Variants in GRID1 observed in about 807,000 individuals in gnomAD.
GRID1 encodes the protein glutamate ionotropic receptor delta type subunit 1, also known as glutamate receptor ionotropic, delta-1.
Under a neutral mutation model 98.0 loss-of-function variants are expected in GRID1, and 28 were observed. That is an observed-to-expected ratio of 0.29 (90% CI 0.21 to 0.39). The LOEUF is 0.39. Ranked by LOEUF, GRID1 falls within the 10% of genes least tolerant of loss-of-function variation. GRID1 has a pLI of 1.00. For missense variants in GRID1, 1,111 were observed against 1,340.5 expected (o/e 0.83, Z 2.67); for synonymous variants, 553 against 538.5 (o/e 1.03, Z -0.37).
At chr10:86,123,199 A>G (rs1456319566) in intron 4 of GRID1, among the ~76,000 whole-genome samples, 2 of 152,186 alleles carry the variant, frequency 1.3e-5, no homozygotes, top group African/African-American at 4.8e-5. Flanking sequence ...CAGGAGGAGA[A>G]GGGGGACCTA....
chr10:85,808,373 A>C (rs1185274850), intron 8 of GRID1, among the ~76,000 whole-genome samples: 2 of 152,202 alleles, frequency 1.3e-5, no homozygotes, highest in Non-Finnish European at 2.9e-5. Flanking sequence ...AACAATTTGA[A>C]ATTAAAAAGA....
intron 4 of GRID1, among the ~76,000 whole-genome samples, chr10:86,001,906 A>T (rs1842806518): frequency 6.6e-6 from 1 of 152,096 alleles, no homozygotes; most frequent in African/African-American, 2.4e-5. Context: ...CTAGGGAAGG[A>T]TCCTTCCTTG....
chr10:85,726,091 A>G (rs3011696), intron 10 of GRID1, among the ~76,000 whole-genome samples: 74,781 of 152,116 alleles, frequency 0.49, 18,832 homozygotes, highest in Middle Eastern at 0.61. Flanking sequence ...GTCCTGTGAC[A>G]GTGGGACAGA....
chr10:85,962,771 AC>A (rs1277021521), intron 4 of GRID1, among the ~76,000 whole-genome samples: 1 of 151,982 alleles, frequency 6.6e-6, no homozygotes, highest in Non-Finnish European at 1.5e-5. Context: ...AATTTATGAA[AC>A]CACTCAGTAC....
intron 13 of GRID1, among the ~76,000 whole-genome samples, chr10:85,633,666 TCTAA>T: frequency 6.6e-6 from 1 of 152,344 alleles, no homozygotes; most frequent in South Asian, 2.1e-4. Context: ...AGCCTCATCC[TCTAA>T]CTCCATTTGT....
intron 8 of GRID1, among the ~76,000 whole-genome samples, chr10:85,743,656 T>C (rs1841971602): frequency 6.6e-6 from 1 of 152,156 alleles, no homozygotes; most frequent in Admixed American, 6.5e-5. Context: ...CTTTTGTTAT[T>C]AGGTTGATGA....
chr10:86,104,104 C>A (rs1020938321), intron 4 of GRID1, among the ~76,000 whole-genome samples: 1 of 152,294 alleles, frequency 6.6e-6, no homozygotes, highest in South Asian at 2.1e-4. Flanking sequence ...CCTTATCCCA[C>A]GGGGTAGGCA....
intron 4 of GRID1, among the ~76,000 whole-genome samples, chr10:85,926,790 G>A (rs912166897): frequency 2.0e-5 from 3 of 152,200 alleles, no homozygotes; most frequent in Non-Finnish European, 2.9e-5. Context: ...AGGGACTGTG[G>A]TGGAGCCACA....
intron 4 of GRID1, among the ~76,000 whole-genome samples, chr10:85,936,391 G>A (rs1218969924): frequency 6.6e-6 from 1 of 152,196 alleles, no homozygotes. Flanking sequence ...GCTGATATAA[G>A]AGGCAGCCAC....
At chr10:85,603,795 G>T (rs868169188) in intron 15 of GRID1, among the ~76,000 whole-genome samples, 1 of 152,146 alleles carries the variant, frequency 6.6e-6, no homozygotes, top group Admixed American at 6.5e-5. Flanking sequence ...AACTCCTAGA[G>T]AAATACAGTC....
chr10:86,336,744 C>G (rs1026049467), intron 2 of GRID1, among the ~76,000 whole-genome samples: 91 of 152,196 alleles, frequency 6.0e-4, no homozygotes, highest in Admixed American at 2.9e-3. Flanking sequence ...GGGAACATGG[C>G]TATAAATTGT....
intron 12 of GRID1, among the ~76,000 whole-genome samples, chr10:85,695,569 C>A (rs1442189118): frequency 6.6e-6 from 1 of 152,010 alleles, no homozygotes; most frequent in Non-Finnish European, 1.5e-5. Context: ...GCATTTCACA[C>A]AATTCTAATG....
At chr10:86,075,408 G>C (rs367932183) in intron 4 of GRID1, among the ~76,000 whole-genome samples, 9,173 of 150,582 alleles carry the variant, frequency 0.061, 337 homozygotes, top group South Asian at 0.16. Context: ...CACAAGCCAA[G>C]GAAGGCCAAA....
At chr10:85,933,284 TTAAAAAA>T (rs1243647718) in intron 4 of GRID1, among the ~76,000 whole-genome samples, 4 of 74,068 alleles carry the variant, frequency 5.4e-5, no homozygotes, top group East Asian at 7.4e-4. Context: ...TCTCTGTTCT[TTAAAAAA>T]AAAAAAAAAA....
At chr10:85,915,708 TACAC>T (rs201777814) in intron 5 of GRID1, among the ~76,000 whole-genome samples, 9 of 151,426 alleles carry the variant, frequency 5.9e-5, no homozygotes, top group African/African-American at 1.9e-4. Context: ...AACACAGACA[TACAC>T]ACACACACCT....
chr10:86,310,361 T>C (rs1847816088), intron 2 of GRID1, among the ~76,000 whole-genome samples: 1 of 152,108 alleles, frequency 6.6e-6, no homozygotes, highest in Non-Finnish European at 1.5e-5. Context: ...ATTCTTTATA[T>C]ACTTGGCCAT....
At chr10:85,911,213 G>A (rs942501763) in intron 5 of GRID1, among the ~76,000 whole-genome samples, 4 of 152,138 alleles carry the variant, frequency 2.6e-5, no homozygotes, top group African/African-American at 9.7e-5. Context: ...TGTGTCTGAG[G>A]AGCCAACCAG....
intron 8 of GRID1, among the ~76,000 whole-genome samples, chr10:85,756,321 CTT>C (rs1254578944): frequency 6.6e-6 from 1 of 152,158 alleles, no homozygotes; most frequent in Non-Finnish European, 1.5e-5. Flanking sequence ...CAGCATACAA[CTT>C]TTTTCTTTCC....
rs553518250 is a variant in GRID1, at chr10:85,958,478, TG to T, written c.727-42240del. On this transcript the variant is annotated intron_variant, in intron 4 of 15. Coordinates refer to ENST00000327946, the MANE Select transcript of GRID1 (RefSeq NM_017551.3). ...CTGAGTGTGTCTGTGAGGGTGTTTC[TG>T]GGTGAGATTAGCATTTGACTGGGCC... Among the ~76,000 whole-genome samples the T allele has an allele frequency of 4.6e-4, 70 of 152,058 alleles. 2 individuals are homozygous for T. The South Asian group carries it at 0.015, about 32-fold the overall frequency.
Sources: allele counts gnomAD v4.1 joint callset (sites outside exome capture counted in the v4.1 genomes callset), GRCh38; gene constraint gnomAD v4.1.1; transcripts MANE v1.5; gene names NCBI Gene and HGNC (gene_info 2026-07-23, HGNC 2026-07-21).